HS6ST3: variants seen among roughly 807,000 people sequenced by gnomAD.
HS6ST3 encodes heparan-sulfate 6-O-sulfotransferase 3.
HS6ST3 carries 12 observed loss-of-function variants against 36.7 expected under a neutral mutation model. That is an observed-to-expected ratio of 0.33 (90% CI 0.21 to 0.53). HS6ST3 has a LOEUF of 0.53. Ranked by LOEUF, HS6ST3 falls within the 20% of genes least tolerant of loss-of-function variation. HS6ST3 has a pLI of 0.95. For synonymous variants in HS6ST3, 240 were observed against 257.5 expected, an observed-to-expected ratio of 0.93 and a Z score of 0.65; for missense variants, 584 against 640.9, an observed-to-expected ratio of 0.91 and a Z score of 0.96.
At chr13:96,667,243 A>G (rs1353255362) in intron 1 of HS6ST3, among the ~76,000 whole-genome samples, 1 of 152,202 alleles carries the variant, frequency 6.6e-6, no homozygotes, top group African/African-American at 2.4e-5. Context: ...TAGATTTTCT[A>G]TTCTCTTAAT....
intron 1 of HS6ST3, among the ~76,000 whole-genome samples, chr13:96,639,361 TG>T (rs751618258): frequency 3.3e-5 from 5 of 151,998 alleles, no homozygotes; most frequent in Admixed American, 6.6e-5. Context: ...GTTCTATTTT[TG>T]TTACTGTTTG....
chr13:96,745,495 G>A (rs1186382920), intron 1 of HS6ST3, among the ~76,000 whole-genome samples: 2 of 152,104 alleles, frequency 1.3e-5, no homozygotes, highest in African/African-American at 2.4e-5. Context: ...ATCTTCAGAA[G>A]CTATGTGTGA....
At chr13:96,793,837 T>C (rs1236358112) in intron 1 of HS6ST3, among the ~76,000 whole-genome samples, 1 of 152,006 alleles carries the variant, frequency 6.6e-6, no homozygotes, top group East Asian at 1.9e-4. Flanking sequence ...CAATCAATTC[T>C]CAGAAGTCTA....
At chr13:96,625,218 A>T (rs375098458) in intron 1 of HS6ST3, among the ~76,000 whole-genome samples, 19 of 152,156 alleles carry the variant, frequency 1.2e-4, no homozygotes, top group Admixed American at 1.2e-3. Context: ...GTCAACTCTC[A>T]TGACACTCGT....
intron 1 of HS6ST3, among the ~76,000 whole-genome samples, chr13:96,791,385 A>G (rs1877786021): frequency 6.6e-6 from 1 of 151,914 alleles, no homozygotes; most frequent in African/African-American, 2.4e-5. Context: ...AAGTTGTGTG[A>G]TCTCCATCTT....
chr13:96,137,388 A>C (rs2054007828), intron 1 of HS6ST3, among the ~76,000 whole-genome samples: 1 of 148,240 alleles, frequency 6.7e-6, no homozygotes. Flanking sequence ...TTTCCATTCT[A>C]CCCTCTGGAG....
At chr13:96,312,308 A>G (rs998054249) in intron 1 of HS6ST3, among the ~76,000 whole-genome samples, 3 of 152,190 alleles carry the variant, frequency 2.0e-5, no homozygotes, top group South Asian at 2.1e-4. Flanking sequence ...TTATTTATAT[A>G]TTAGAAAAAT....
intron 1 of HS6ST3, among the ~76,000 whole-genome samples, chr13:96,543,694 C>T (rs577371463): frequency 6.6e-6 from 1 of 152,288 alleles, no homozygotes; most frequent in African/African-American, 2.4e-5. Flanking sequence ...GAATCAGTTT[C>T]AGGACCCATT....
At chr13:96,739,495 C>T (rs1876379842) in intron 1 of HS6ST3, among the ~76,000 whole-genome samples, 1 of 152,082 alleles carries the variant, frequency 6.6e-6, no homozygotes, top group South Asian at 2.1e-4. Context: ...CTACTCCAGT[C>T]TTTCCCTTCA....
At chr13:96,634,406 T>C (rs2139002669) in intron 1 of HS6ST3, among the ~76,000 whole-genome samples, 1 of 152,272 alleles carries the variant, frequency 6.6e-6, no homozygotes, top group South Asian at 2.1e-4. Context: ...CCTGTAAGTT[T>C]AGAGGTTTGT....
intron 1 of HS6ST3, among the ~76,000 whole-genome samples, chr13:96,386,111 A>C (rs1343866178): frequency 1.3e-5 from 2 of 152,246 alleles, no homozygotes; most frequent in African/African-American, 2.4e-5. Context: ...AAAGAAAAAG[A>C]TCCATAAGAG....
At chr13:96,652,292 G>A (rs2139013373) in intron 1 of HS6ST3, among the ~76,000 whole-genome samples, 1 of 152,082 alleles carries the variant, frequency 6.6e-6, no homozygotes, top group African/African-American at 2.4e-5. Flanking sequence ...ACATATGAAT[G>A]TGTTTTTTAT....
intron 1 of HS6ST3, among the ~76,000 whole-genome samples, chr13:96,231,282 A>T (rs1260717283): frequency 1.3e-5 from 2 of 152,056 alleles, no homozygotes; most frequent in Admixed American, 1.3e-4. Context: ...TGAATTTGTG[A>T]CACTCCCAAG....
intron 1 of HS6ST3, among the ~76,000 whole-genome samples, chr13:96,614,297 CAAAAAAAAAAAA>C (rs67979751): frequency 1.4e-4 from 6 of 43,946 alleles, no homozygotes; most frequent in Non-Finnish European, 2.3e-4. Flanking sequence ...GGATCCATCT[CAAAAAAAAAAAA>C]AAAAAAAAAA....
chr13:96,372,656 TG>T (rs2055295463), intron 1 of HS6ST3, among the ~76,000 whole-genome samples: 1 of 152,224 alleles, frequency 6.6e-6, no homozygotes, highest in Admixed American at 6.5e-5. Context: ...GGTTGATTTT[TG>T]TGTATAGTGT....
intron 1 of HS6ST3, among the ~76,000 whole-genome samples, chr13:96,178,658 C>T (rs1196366396): frequency 6.6e-6 from 1 of 152,140 alleles, no homozygotes; most frequent in South Asian, 2.1e-4. Flanking sequence ...TACCTGAGAT[C>T]TCTTAGGTTG....
At chr13:96,787,589 T>G (rs1423207200) in intron 1 of HS6ST3, among the ~76,000 whole-genome samples, 1 of 152,130 alleles carries the variant, frequency 6.6e-6, no homozygotes, top group Non-Finnish European at 1.5e-5. Flanking sequence ...CTGAAATGTC[T>G]GTTCAAATAT....
chr13:96,739,606 G>C lies in HS6ST3; in HGVS notation c.708-92884G>C, dbSNP rs1055921169. 8.6e-5 allele frequency among the ~76,000 whole-genome samples: 13 copies of C among 152,008 alleles called. No individual in the cohort carries two copies. The East Asian group carries it at 2.5e-3, about 29-fold the overall frequency. On this transcript the variant is annotated intron_variant, in intron 1 of 1. Coordinates refer to ENST00000376705, the MANE Select transcript of HS6ST3 (RefSeq NM_153456.4). The stretch of plus-strand genomic sequence containing the variant: ...CACATCCAAGCCATGGTCTGTTCTT[G>C]TGACACTGCCTGTCCAGTACATCCA...
intron 1 of HS6ST3, among the ~76,000 whole-genome samples, chr13:96,131,846 T>C (rs2053977225): frequency 6.6e-6 from 1 of 151,924 alleles, no homozygotes; most frequent in Admixed American, 6.6e-5. Context: ...ATTTGTAACC[T>C]GACAAACGTC....
Sources: allele counts gnomAD v4.1 joint callset (sites outside exome capture counted in the v4.1 genomes callset), GRCh38; gene constraint gnomAD v4.1.1; transcripts MANE v1.5; gene names NCBI Gene and HGNC (gene_info 2026-07-23, HGNC 2026-07-21).